BCAS4: variants seen among roughly 807,000 people sequenced by gnomAD.
BCAS4 encodes the protein breast carcinoma amplified sequence 4.
Under a neutral mutation model 15.7 loss-of-function variants are expected in BCAS4, and 9 were observed. That is an observed-to-expected ratio of 0.57 (90% confidence interval 0.34 to 1.00). The LOEUF is 1.00. Ranked by LOEUF, BCAS4 falls within the 50% of genes least tolerant of loss-of-function variation. BCAS4 has a pLI of 0.02. For synonymous variants in BCAS4, 101 were observed against 99.5 expected, an observed-to-expected ratio of 1.02 and a Z score of -0.09; for missense variants, 225 against 239.1, an observed-to-expected ratio of 0.94 and a Z score of 0.39.
At chr20:50,870,754 T>G (rs1979596874) in intron 4 of BCAS4, among the ~76,000 whole-genome samples, 2 of 152,254 alleles carry the variant, frequency 1.3e-5, no homozygotes, top group Admixed American at 6.5e-5. Context: ...CCAGCACACA[T>G]GCATTTGGCC....
intron 1 of BCAS4, among the ~76,000 whole-genome samples, chr20:50,816,235 A>T (rs1050829027): frequency 1.3e-5 from 2 of 152,118 alleles, no homozygotes; most frequent in African/African-American, 4.8e-5. Context: ...CATGTTGGTC[A>T]GGCTGGTCTC....
chr20:50,837,154 A>G (rs1215170519), intron 3 of BCAS4, among the ~76,000 whole-genome samples: 1 of 152,198 alleles, frequency 6.6e-6, no homozygotes, highest in Non-Finnish European at 1.5e-5. Flanking sequence ...CGAGGCACAG[A>G]GATGAGAAGT....
intron 2 of BCAS4, among the ~76,000 whole-genome samples, chr20:50,828,866 C>A (rs983360625): frequency 6.6e-6 from 1 of 152,110 alleles, no homozygotes; most frequent in African/African-American, 2.4e-5. Flanking sequence ...GAGGGTGAGA[C>A]CACGGGGGGC....
chr20:50,798,350 G>A (rs1355325046), intron 1 of BCAS4, among the ~76,000 whole-genome samples: 3 of 151,778 alleles, frequency 2.0e-5, no homozygotes, highest in Admixed American at 6.6e-5. Flanking sequence ...AAAAGAAACA[G>A]GTGAAATTAA....
At chr20:50,799,426 C>T (rs2087902191) in intron 1 of BCAS4, among the ~76,000 whole-genome samples, 1 of 152,200 alleles carries the variant, frequency 6.6e-6, no homozygotes, top group Non-Finnish European at 1.5e-5. Flanking sequence ...GCAGCCTCCA[C>T]TTTTAAAGCT....
chr20:50,845,652 C>T (rs555560581), intron 4 of BCAS4, among the ~76,000 whole-genome samples: 4 of 152,368 alleles, frequency 2.6e-5, no homozygotes, highest in African/African-American at 9.6e-5. Flanking sequence ...CGACCCCAGG[C>T]TGGCCCGAAC....
rs1333028825 is a variant in BCAS4, at chr20:50,807,519, T to A, written c.91-10692T>A. Among the ~76,000 whole-genome samples, 102 of 152,226 alleles carry A rather than the reference T, an allele frequency of 6.7e-4. 1 individual carries two copies. Among genetic ancestry groups the A allele is most frequent in the Non-Finnish European group, 1.5e-5 (1 of 68,048 alleles). Reference sequence around the variant, plus strand: ...TTTACGTTATTTTATTTTTTAATTTTAATAGGTTTTTGGGGAACAGGTGGT... The same window carrying A: ...TTTACGTTATTTTATTTTTTAATTTAAATAGGTTTTTGGGGAACAGGTGGT... On this transcript the variant is annotated intron_variant, in intron 1 of 4. Coordinates refer to ENST00000371608, the MANE Select transcript of BCAS4 (RefSeq NM_198799.4).
At chr20:50,826,946 T>A (rs2123787187) in intron 2 of BCAS4, among the ~76,000 whole-genome samples, 1 of 151,994 alleles carries the variant, frequency 6.6e-6, no homozygotes, top group South Asian at 2.1e-4. Flanking sequence ...CCAGCCTGGG[T>A]GACAAAGCAA....
intron 4 of BCAS4, among the ~76,000 whole-genome samples, chr20:50,842,395 G>A (rs183291675): frequency 1.5e-3 from 234 of 152,298 alleles, no homozygotes; most frequent in African/African-American, 5.1e-3. Context: ...CCGTGGCCCC[G>A]CAAGGAAGGA....
At chr20:50,810,661 G>T (rs1473011220) in intron 1 of BCAS4, among the ~76,000 whole-genome samples, 8 of 151,216 alleles carry the variant, frequency 5.3e-5, no homozygotes. Context: ...CGCGATCTCG[G>T]CTCACTGCAA....
At chr20:50,830,402 T>C (rs1568666359) in intron 3 of BCAS4, 22 bp downstream of exon 3, 1 of 1,589,924 alleles carries the variant, frequency 6.3e-7, no homozygotes. Flanking sequence ...CAAACGAAGG[T>C]TCTGAGGCTG....
chr20:50,877,148 G>A lies in BCAS4; in HGVS notation c.*540G>A, dbSNP rs1980000367. On this transcript the variant is annotated 3_prime_UTR_variant, in exon 5 of 5. Transcript: ENST00000371608. ...AGACCTCGGTGCCCACAGCCTTGAG[G>A]ATCCTTCCAATAAAGGTGTCAAGAG... 6.5e-6 allele frequency: 1 copy of A among 152,992 alleles called. No individual in the cohort carries two copies. The highest frequency in any genetic ancestry group is 1.5e-5 in the Non-Finnish European group (1 of 68,712). The allele number at this position is 152,992 out of a possible 1,614,324, so 9.5% of individuals were successfully genotyped here. A position where few individuals can be genotyped will look rare whatever the true frequency, so the allele number is the denominator to read the frequency against.
chr20:50,841,643 C>T lies in BCAS4; in HGVS notation c.265-123C>T, dbSNP rs1254199044. 5 of 1,347,742 alleles carry T rather than the reference C, an allele frequency of 3.7e-6. No individual in the cohort carries two copies. In the African/African-American group the frequency reaches 7.3e-5, roughly 20 times the overall value. 83.5% of individuals were successfully genotyped at this position (1,347,742 alleles called of 1,614,324 possible). On this transcript the variant is annotated intron_variant, in intron 3 of 4. Transcript: ENST00000371608. ...AGGCCCTGCTGCCTTGCAGGGAGCC[C>T]CATTGGAGGGAGGCTGGTCGCAGTG... is the stretch of plus-strand genomic sequence containing the variant.
intron 3 of BCAS4, among the ~76,000 whole-genome samples, chr20:50,839,348 G>A (rs908826716): frequency 6.6e-6 from 1 of 152,186 alleles, no homozygotes; most frequent in African/African-American, 2.4e-5. Context: ...ACATTTTACT[G>A]GGCCTGAACA....
Position 50,810,497 on chromosome 20 carries a change from A to G in BCAS4, c.91-7714A>G, listed in dbSNP as rs1289994075. The stretch of plus-strand genomic sequence containing the variant: ...CTCTGGGAATTGAAAGACAAATAAA[A>G]GAGACAAAAACCTGTGTCCTCCGGA... On this transcript the variant is annotated intron_variant, in intron 1 of 4. Transcript: ENST00000371608. Among the ~76,000 whole-genome samples, 7 of 152,186 alleles carry G rather than the reference A, an allele frequency of 4.6e-5. No homozygotes were observed. In the East Asian group the frequency reaches 1.3e-3, roughly 29 times the overall value.
At chr20:50,831,850 G>A (rs2088347702) in intron 3 of BCAS4, among the ~76,000 whole-genome samples, 1 of 152,188 alleles carries the variant, frequency 6.6e-6, no homozygotes, top group Admixed American at 6.5e-5. Context: ...AGCTGCAGAG[G>A]GAGGGAGCAG....
At chr20:50,834,836 C>G (rs142573856) in intron 3 of BCAS4, among the ~76,000 whole-genome samples, 61 of 152,314 alleles carry the variant, frequency 4.0e-4, no homozygotes, top group African/African-American at 1.3e-3. Flanking sequence ...GCTTCTTTCA[C>G]TTGCCATAAT....
At chr20:50,872,730 T>G (rs1979719536) in intron 4 of BCAS4, among the ~76,000 whole-genome samples, 1 of 152,214 alleles carries the variant, frequency 6.6e-6, no homozygotes, top group South Asian at 2.1e-4. Context: ...CTCATGCCCC[T>G]CTGCCCCTGC....
At chr20:50,863,066 A>G (rs1396819341) in intron 4 of BCAS4, among the ~76,000 whole-genome samples, 1 of 151,734 alleles carries the variant, frequency 6.6e-6, no homozygotes. Flanking sequence ...CCTGAGCTCA[A>G]GTGATCTGCC....
Sources: gnomAD v4.1 joint callset for allele counts (sites outside exome capture counted in the v4.1 genomes callset) on GRCh38, gnomAD v4.1.1 for gene constraint, MANE v1.5 for transcripts, NCBI Gene and HGNC (gene_info 2026-07-23, HGNC 2026-07-21) for gene names.